Variants in KCNMB2 observed in about 807,000 individuals in gnomAD.
KCNMB2 encodes calcium-activated potassium channel subunit beta-2.
In KCNMB2, 9 loss-of-function variants were observed where a neutral mutation model predicts 24.5. That is an observed-to-expected ratio of 0.37 (90% confidence interval 0.22 to 0.64). The LOEUF (loss-of-function observed/expected upper bound fraction) is 0.64. KCNMB2 is among the 30% of genes least tolerant of loss of function. KCNMB2 has a pLI of 0.63. For missense variants in KCNMB2, 226 were observed against 284.3 expected, an observed-to-expected ratio of 0.79 and a Z score of 1.47; for synonymous variants, 109 against 104.4, an observed-to-expected ratio of 1.04 and a Z score of -0.27.
intron 1 of KCNMB2, among the ~76,000 whole-genome samples, chr3:178,603,251 C>T (rs773824209): frequency 6.6e-6 from 1 of 152,004 alleles, no homozygotes; most frequent in Non-Finnish European, 1.5e-5. Context: ...TAAGTTATTT[C>T]AAATGTATAT....
chr3:178,567,887 C>T (rs570978074), intron 1 of KCNMB2, among the ~76,000 whole-genome samples: 1 of 152,254 alleles, frequency 6.6e-6, no homozygotes, highest in African/African-American at 2.4e-5. Context: ...CAGTTTACTG[C>T]TCCCTTAAAT....
At chr3:178,632,631 G>A (rs946011919) in intron 1 of KCNMB2, among the ~76,000 whole-genome samples, 3 of 152,080 alleles carry the variant, frequency 2.0e-5, no homozygotes, top group African/African-American at 4.8e-5. Flanking sequence ...TGGGGATTAC[G>A]GGAACTACAA....
intron 1 of KCNMB2, among the ~76,000 whole-genome samples, chr3:178,796,252 C>G (rs1347228718): frequency 6.6e-6 from 1 of 151,776 alleles, no homozygotes; most frequent in Admixed American, 6.6e-5. Flanking sequence ...CACTGGAGCC[C>G]CTAGATATAA....
rs949158874 is a variant in KCNMB2, at chr3:178,740,993, T to G, written c.-67-66350T>G. On this transcript the variant is annotated intron_variant, in intron 1 of 4. Transcript: ENST00000452583. ...AAAAAGCTTAAAAGGGTATAAGGCT[T>G]AGAGGCAAGGAGAGGAGAAACGCAT... is the stretch of plus-strand genomic sequence containing the variant. Among the ~76,000 whole-genome samples, 5 of 152,252 alleles carry G rather than the reference T, an allele frequency of 3.3e-5. No homozygotes were observed. The South Asian group carries it at 1.0e-3, about 32-fold the overall frequency.
At chr3:178,741,695 A>C (rs73051653) in intron 1 of KCNMB2, among the ~76,000 whole-genome samples, 3,676 of 152,266 alleles carry the variant, frequency 0.024, 158 homozygotes, top group African/African-American at 0.083. Context: ...ATGAGAAAGC[A>C]AGTTCTTCAA....
intron 1 of KCNMB2, among the ~76,000 whole-genome samples, chr3:178,636,831 G>A (rs1308148029): frequency 2.6e-5 from 2 of 77,136 alleles, no homozygotes; most frequent in Non-Finnish European, 4.9e-5. Flanking sequence ...TTGCTGCACA[G>A]ATCATTCCAC....
At chr3:178,685,018 GCCCT>G (rs1206586477) in intron 1 of KCNMB2, among the ~76,000 whole-genome samples, 1 of 152,120 alleles carries the variant, frequency 6.6e-6, no homozygotes, top group East Asian at 1.9e-4. Context: ...TGTTTGGAAA[GCCCT>G]CCCTCCTTCC....
intron 1 of KCNMB2, among the ~76,000 whole-genome samples, chr3:178,573,459 G>C (rs974986318): frequency 1.3e-5 from 2 of 152,100 alleles, no homozygotes; most frequent in Non-Finnish European, 2.9e-5. Context: ...TGATTTGGCT[G>C]TGTACAGTGG....
chr3:178,578,470 C>A (rs1015895850), intron 1 of KCNMB2, among the ~76,000 whole-genome samples: 1 of 152,210 alleles, frequency 6.6e-6, no homozygotes, highest in African/African-American at 2.4e-5. Flanking sequence ...ACTGCATCAA[C>A]TGACAGTCAA....
chr3:178,589,519 C>T (rs1717585301), intron 1 of KCNMB2, among the ~76,000 whole-genome samples: 1 of 152,068 alleles, frequency 6.6e-6, no homozygotes, highest in Non-Finnish European at 1.5e-5. Context: ...TGATCTTTCA[C>T]CCAAGCTATA....
intron 1 of KCNMB2, among the ~76,000 whole-genome samples, chr3:178,609,894 T>C (rs1250897733): frequency 6.6e-6 from 1 of 152,146 alleles, no homozygotes; most frequent in East Asian, 1.9e-4. Flanking sequence ...TACCTTGGCC[T>C]CCCAAAGTGC....
At chr3:178,733,833 T>C (rs1421443651) in intron 1 of KCNMB2, among the ~76,000 whole-genome samples, 2 of 152,092 alleles carry the variant, frequency 1.3e-5, no homozygotes, top group Non-Finnish European at 1.5e-5. Flanking sequence ...CTCTAAACTA[T>C]GAAAAATTCA....
At chr3:178,807,596 G>A (rs563022842) in intron 2 of KCNMB2, 131 bp downstream of exon 2, 2 of 694,360 alleles carry the variant, frequency 2.9e-6, no homozygotes, top group South Asian at 4.0e-5. Flanking sequence ...TACAGTACAG[G>A]AGTAGGGTTT....
chr3:178,636,064 G>A (rs1026425230), intron 1 of KCNMB2, among the ~76,000 whole-genome samples: 3 of 152,178 alleles, frequency 2.0e-5, no homozygotes, highest in Admixed American at 6.5e-5. Flanking sequence ...TTTTAAATTA[G>A]ATATAACATA....
intron 1 of KCNMB2, among the ~76,000 whole-genome samples, chr3:178,640,460 A>G (rs184789329): frequency 6.6e-6 from 1 of 152,246 alleles, no homozygotes; most frequent in Admixed American, 6.5e-5. Flanking sequence ...AGCAAGGGGG[A>G]AATCCGCCCC....
chr3:178,695,693 G>A (rs1721850723), intron 1 of KCNMB2, among the ~76,000 whole-genome samples: 1 of 152,044 alleles, frequency 6.6e-6, no homozygotes, highest in Non-Finnish European at 1.5e-5. Context: ...ACCTCAGCCT[G>A]GATTTCATTG....
At chr3:178,553,939 C>A (rs188700370) in intron 1 of KCNMB2, among the ~76,000 whole-genome samples, 415 of 152,192 alleles carry the variant, frequency 2.7e-3, no homozygotes, top group African/African-American at 9.4e-3. Flanking sequence ...AATAATTAGA[C>A]AAAACCATTG....
chr3:178,676,858 C>T (rs776096706), intron 1 of KCNMB2, among the ~76,000 whole-genome samples: 2 of 152,114 alleles, frequency 1.3e-5, no homozygotes, highest in Non-Finnish European at 2.9e-5. Context: ...TTTAACGTTA[C>T]GAAACGCTTT....
At chr3:178,703,188 A>G (rs1157527038) in intron 1 of KCNMB2, among the ~76,000 whole-genome samples, 1 of 152,166 alleles carries the variant, frequency 6.6e-6, no homozygotes, top group African/African-American at 2.4e-5. Context: ...ATTAATAACC[A>G]TCTATTCAGG....
Sources: allele counts gnomAD v4.1 joint callset (sites outside exome capture counted in the v4.1 genomes callset), GRCh38; gene constraint gnomAD v4.1.1; transcripts MANE v1.5; gene names NCBI Gene and HGNC (gene_info 2026-07-23, HGNC 2026-07-21).